The following MDGA2 variants were observed in gnomAD, a reference collection of about 807,000 sequenced individuals.
MDGA2 encodes the protein MAM domain-containing glycosylphosphatidylinositol anchor protein 2.
Under a neutral mutation model 117.8 loss-of-function variants are expected in MDGA2, and 40 were observed. The observed-to-expected ratio is 0.34, with a 90% confidence interval of 0.26 to 0.44. The LOEUF (loss-of-function observed/expected upper bound fraction) is 0.44. MDGA2 is among the 20% of genes least tolerant of loss of function. The pLI, the probability that MDGA2 is intolerant of heterozygous loss-of-function variation, is 1.00. For missense variants in MDGA2, 1,123 were observed against 1,250.6 expected, an observed-to-expected ratio of 0.90 and a Z score of 1.54; for synonymous variants, 452 against 439.0, an observed-to-expected ratio of 1.03 and a Z score of -0.37.
chr14:47,131,417 TC>T (rs1882199146), intron 5 of MDGA2, among the ~76,000 whole-genome samples: 1 of 152,046 alleles, frequency 6.6e-6, no homozygotes, highest in East Asian at 1.9e-4. Flanking sequence ...ATCTAGTATT[TC>T]TCAAGAATAT....
rs748801553 is a variant in MDGA2, at chr14:46,920,064, A to G, written c.2186T>C (p.Met729Thr). The G allele has an allele frequency of 8.1e-6, 13 of 1,605,130 alleles. No homozygotes were observed. The South Asian group carries it at 1.5e-4, about 18-fold the overall frequency. The change falls in exon 10 of 17, where the codon ATG (methionine) becomes ACG (threonine). Residue 729 changes from methionine to threonine, a missense_variant. Physicochemically the swap from Met to Thr is moderately conservative, Grantham distance 81. Around this residue, in one of 2 missense-constraint regions of MDGA2, gnomAD observed 890 missense variants for 1,050.3 expected, o/e 0.85. Coordinates refer to ENST00000399232, the MANE Select transcript of MDGA2 (RefSeq NM_001113498.3). ...AATCCGATCCACTGCATCAGGATTC[A>G]TCTGTGTCCACTGTAGACTGTAAGA... Reference protein sequence around the residue: ...VYSYSLQWTQMNPDAVDRIVA... With the variant: ...VYSYSLQWTQTNPDAVDRIVA...
At chr14:47,446,000 T>C (rs529078273) in intron 1 of MDGA2, among the ~76,000 whole-genome samples, 1 of 152,318 alleles carries the variant, frequency 6.6e-6, no homozygotes, top group African/African-American at 2.4e-5. Context: ...GTCAATACCT[T>C]ATGTGACAAG....
intron 5 of MDGA2, among the ~76,000 whole-genome samples, chr14:47,120,833 A>T (rs150522710): frequency 6.6e-6 from 1 of 152,268 alleles, no homozygotes; most frequent in African/African-American, 2.4e-5. Context: ...ATGAACTACC[A>T]CATAGAGTCA....
intron 1 of MDGA2, among the ~76,000 whole-genome samples, chr14:47,446,562 G>A (rs1314418003): frequency 1.3e-5 from 2 of 152,090 alleles, no homozygotes; most frequent in South Asian, 2.1e-4. Context: ...AAAAACGAAA[G>A]TGGGGAGTGT....
intron 1 of MDGA2, among the ~76,000 whole-genome samples, chr14:47,463,407 A>C (rs953321479): frequency 4.6e-5 from 7 of 152,186 alleles, no homozygotes; most frequent in African/African-American, 1.7e-4. Context: ...ACATACAAAA[A>C]ATAAAATAGC....
At chr14:46,878,543 A>G (rs926479435) in intron 11 of MDGA2, among the ~76,000 whole-genome samples, 1 of 152,102 alleles carries the variant, frequency 6.6e-6, no homozygotes, top group African/African-American at 2.4e-5. Context: ...TAGTATACAA[A>G]TGATAAATTT....
intron 8 of MDGA2, among the ~76,000 whole-genome samples, chr14:47,031,215 TA>T (rs1319286140): frequency 2.9e-5 from 4 of 135,698 alleles, no homozygotes; most frequent in African/African-American, 8.4e-5. Context: ...TTTAGAAATA[TA>T]TATATATATA....
chr14:46,986,458 C>A (rs17117882), intron 8 of MDGA2, among the ~76,000 whole-genome samples: 1 of 151,996 alleles, frequency 6.6e-6, no homozygotes, highest in East Asian at 1.9e-4. Context: ...AGGCTGACAA[C>A]CTGGGCATCT....
chr14:47,047,328 T>C (rs1208575607), intron 7 of MDGA2, among the ~76,000 whole-genome samples: 1 of 152,130 alleles, frequency 6.6e-6, no homozygotes, highest in East Asian at 1.9e-4. Flanking sequence ...TTTCTTAATT[T>C]TAGTTTTCTT....
rs189335854 is a variant in MDGA2, at chr14:47,266,605, T to C, written c.420+34806A>G. On this transcript the variant is annotated intron_variant, in intron 2 of 16. Transcript: ENST00000399232. ...AGAGGACTCAACTCCAAAGTCCTTA[T>C]GTAGATTTTCCTCAGCTCTTCAGGA... is the stretch of plus-strand genomic sequence containing the variant. 1.0e-3 allele frequency among the ~76,000 whole-genome samples: 158 copies of C among 152,320 alleles called. 1 individual carries two copies. Among genetic ancestry groups the C allele is most frequent in the African/African-American group, 3.6e-3 (149 of 41,578 alleles).
At chr14:46,958,677 T>C (rs2138262010) in intron 8 of MDGA2, among the ~76,000 whole-genome samples, 1 of 152,356 alleles carries the variant, frequency 6.6e-6, no homozygotes, top group South Asian at 2.1e-4. Flanking sequence ...GATTGGTGTG[T>C]GTTGAATGTG....
In MDGA2 at chr14:47,101,122, T is replaced by TAGATAGATAGAC. The variant is rs1390622376; in HGVS notation, c.926-4000_926-3999insGTCTATCTATCT. ...ATAGATAGATAGATAGATAGATAGA[T>TAGATAGATAGAC]AGACAGATAGATAGAAAGAAATTGG... On this transcript the variant is annotated intron_variant, in intron 5 of 16. Coordinates refer to ENST00000399232, the MANE Select transcript of MDGA2 (RefSeq NM_001113498.3). 7.6e-3 allele frequency among the ~76,000 whole-genome samples: 718 copies of TAGATAGATAGAC among 94,820 alleles called. 6 individuals are homozygous for TAGATAGATAGAC. The highest frequency in any genetic ancestry group is 9.8e-3 in the Non-Finnish European group (430 of 43,680). 62.2% of individuals were successfully genotyped at this position (94,820 alleles called of 152,430 possible).
intron 1 of MDGA2, among the ~76,000 whole-genome samples, chr14:47,607,417 A>G (rs1896761791): frequency 6.6e-6 from 1 of 152,204 alleles, no homozygotes; most frequent in Non-Finnish European, 1.5e-5. Flanking sequence ...AGGAAAATAT[A>G]AGGTTATTTT....
chr14:47,274,049 A>G (rs536809502), intron 2 of MDGA2, among the ~76,000 whole-genome samples: 2 of 152,116 alleles, frequency 1.3e-5, no homozygotes, highest in Non-Finnish European at 2.9e-5. Flanking sequence ...TAACGGCTTC[A>G]CTGCAATCAC....
chr14:47,432,527 A>G (rs1350109402), intron 1 of MDGA2, among the ~76,000 whole-genome samples: 1 of 152,078 alleles, frequency 6.6e-6, no homozygotes, highest in Non-Finnish European at 1.5e-5. Context: ...TCTCCATGGT[A>G]TATTTAGTTG....
chr14:47,306,896 A>C (rs1487481661), intron 1 of MDGA2, among the ~76,000 whole-genome samples: 1 of 152,084 alleles, frequency 6.6e-6, no homozygotes, highest in Non-Finnish European at 1.5e-5. Context: ...AGACAGACAG[A>C]CAGCCTATAC....
intron 1 of MDGA2, among the ~76,000 whole-genome samples, chr14:47,400,216 T>G (rs1216770794): frequency 1.3e-5 from 2 of 152,212 alleles, no homozygotes; most frequent in South Asian, 2.1e-4. Context: ...AAATCTTTAT[T>G]CTTCAATGTG....
Position 47,074,065 on chromosome 14 carries a change from GATC to G in MDGA2, c.1196-12490_1196-12488del, listed in dbSNP as rs201848332. Among the ~76,000 whole-genome samples the G allele has an allele frequency of 2.1e-3, 325 of 151,622 alleles. 9 individuals are homozygous for G. The East Asian group carries it at 0.057, about 26-fold the overall frequency. ...GTCTTTCCCATGTATTTATGAACAT[GATC>G]ATAATTAAATTAGCATGATCATAAT... is the stretch of plus-strand genomic sequence containing the variant. On this transcript the variant is annotated intron_variant, in intron 6 of 16. Coordinates refer to ENST00000399232, the MANE Select transcript of MDGA2 (RefSeq NM_001113498.3).
intron 7 of MDGA2, among the ~76,000 whole-genome samples, chr14:47,040,741 A>AC (rs1287440383): frequency 6.6e-6 from 1 of 152,002 alleles, no homozygotes; most frequent in Non-Finnish European, 1.5e-5. Context: ...CTGGTTACTT[A>AC]CTCTTCCTGA....
Sources: allele counts gnomAD v4.1 joint callset (sites outside exome capture counted in the v4.1 genomes callset), GRCh38; gene constraint gnomAD v4.1.1; regional missense constraint gnomAD v4.1.1; transcripts MANE v1.5; gene names NCBI Gene and HGNC (gene_info 2026-07-23, HGNC 2026-07-21).